The following PRRC2B variants were observed in gnomAD, a reference collection of about 807,000 sequenced individuals.
PRRC2B encodes the protein protein PRRC2B.
In PRRC2B, 68 loss-of-function variants were observed where a neutral mutation model predicts 242.3. The ratio of observed to expected loss-of-function variants is 0.28; its 90% CI spans 0.23 to 0.34. PRRC2B has a LOEUF of 0.34. Ranked by LOEUF, PRRC2B falls within the 10% of genes least tolerant of loss-of-function variation. The pLI, the probability that PRRC2B is intolerant of heterozygous loss-of-function variation, is 1.00. For synonymous variants in PRRC2B, 1,228 were observed against 1,173.6 expected (o/e 1.05, Z -0.95); for missense variants, 2,835 against 2,954.8 (o/e 0.96, Z 0.94).
chr9:131,493,324 C>T (rs1236535498), intron 30 of PRRC2B, among the ~76,000 whole-genome samples: 2 of 152,224 alleles, frequency 1.3e-5, no homozygotes, highest in East Asian at 3.8e-4. Flanking sequence ...CCTACCATGT[C>T]TGTCACATAG....
intron 1 of PRRC2B, among the ~76,000 whole-genome samples, chr9:131,403,366 T>C (rs1837275079): frequency 6.6e-6 from 1 of 152,146 alleles, no homozygotes; most frequent in South Asian, 2.1e-4. Context: ...ATTTATTTTT[T>C]TTTGAGGTGG....
At chr9:131,454,248 C>T (rs1943006151) in intron 9 of PRRC2B, among the ~76,000 whole-genome samples, 1 of 152,248 alleles carries the variant, frequency 6.6e-6, no homozygotes, top group African/African-American at 2.4e-5. Context: ...GGACCTACCA[C>T]ACTGTGTTCA....
intron 1 of PRRC2B, among the ~76,000 whole-genome samples, chr9:131,377,043 C>A (rs1368858736): frequency 6.6e-6 from 1 of 152,138 alleles, no homozygotes; most frequent in African/African-American, 2.4e-5. Context: ...TTGTGATGCA[C>A]CACTCAAATG....
rs151158800 is a variant in PRRC2B, at chr9:131,446,777, T to C, written c.855+135T>C. On this transcript the variant is annotated intron_variant, in intron 7 of 31. Coordinates refer to ENST00000683519, the MANE Select transcript of PRRC2B (RefSeq NM_013318.4). This position sits in a 1 kb window ranked among gnomAD's most constrained non-coding sequence, Gnocchi z 4.1. ...CTACTTCTGAGGCTTCCACTCGTTT[T>C]GCATTTTCTCTCCCTGCTTTTTAAA... is the stretch of plus-strand genomic sequence containing the variant. 2.8e-6 allele frequency: 3 copies of C among 1,054,616 alleles called. No individual in the cohort carries two copies. Among genetic ancestry groups the C allele is most frequent in the African/African-American group, 3.2e-5 (2 of 62,478 alleles). The allele number at this position is 1,054,616 out of a possible 1,614,324, so 65.3% of individuals were successfully genotyped here. A position where few individuals can be genotyped will look rare whatever the true frequency, so the allele number is the denominator to read the frequency against.
chr9:131,470,733 C>T (rs1943519434), intron 13 of PRRC2B, 55 bp from the exon 14 acceptor site: 6 of 1,451,894 alleles, frequency 4.1e-6, no homozygotes, highest in Admixed American at 1.8e-5. Context: ...TGTTGGGTGG[C>T]ATCTCTGTCC....
intron 1 of PRRC2B, among the ~76,000 whole-genome samples, chr9:131,413,416 A>AC (rs1158987049): frequency 1.3e-5 from 2 of 152,316 alleles, no homozygotes; most frequent in East Asian, 3.9e-4. Flanking sequence ...TAGCGACTGT[A>AC]CCCTTTCTGC....
chr9:131,488,005 T>C lies in PRRC2B; in HGVS notation c.6134T>C (p.Met2045Thr). 1.2e-6 allele frequency: 2 copies of C among 1,612,402 alleles called. No homozygotes were observed. Among genetic ancestry groups the C allele is most frequent in the Non-Finnish European group, 1.7e-6 (2 of 1,179,238 alleles). Residue 2045 changes from methionine to threonine, a missense_variant, in exon 28 of 32, where the codon ATG (methionine) becomes ACG (threonine). This residue lies in a region of PRRC2B where 574 missense variants were observed against 626.0 expected (regional missense o/e 0.92). Coordinates refer to ENST00000683519, the MANE Select transcript of PRRC2B (RefSeq NM_013318.4). The part of the protein sequence containing the change: ...KPQSGSPYQP[M>T]SGNQALVYEG... Reference sequence around the variant, plus strand: ...CAGTCTGGCTCACCCTACCAGCCCATGAGCGGGAACCAAGCCCTGGTCTAC... The same window carrying C: ...CAGTCTGGCTCACCCTACCAGCCCACGAGCGGGAACCAAGCCCTGGTCTAC...
At chr9:131,422,821 A>G (rs1837879588) in intron 1 of PRRC2B, among the ~76,000 whole-genome samples, 1 of 152,202 alleles carries the variant, frequency 6.6e-6, no homozygotes, top group Non-Finnish European at 1.5e-5. Context: ...TATGTGCCAA[A>G]ATATGCAACC....
intron 1 of PRRC2B, among the ~76,000 whole-genome samples, chr9:131,426,704 G>A (rs1057270688): frequency 6.6e-6 from 1 of 152,192 alleles, no homozygotes; most frequent in African/African-American, 2.4e-5. Flanking sequence ...GGCTGCTGGG[G>A]TCAAGCAGCT....
At chr9:131,383,957 C>T (rs1168821260) in intron 1 of PRRC2B, among the ~76,000 whole-genome samples, 4 of 152,046 alleles carry the variant, frequency 2.6e-5, no homozygotes, top group South Asian at 4.2e-4. Flanking sequence ...CTTGCTCTGT[C>T]ACCCAGGTTG....
intron 1 of PRRC2B, among the ~76,000 whole-genome samples, chr9:131,383,280 G>C (rs532401916): frequency 2.0e-5 from 3 of 152,144 alleles, no homozygotes; most frequent in Non-Finnish European, 4.4e-5. Flanking sequence ...GCTGTGTCTC[G>C]TTAGTACAAC....
At chr9:131,420,497 T>TCTTTCTTTCTTTCTTTCTTTCTTTCTTTC (rs72209206) in intron 1 of PRRC2B, among the ~76,000 whole-genome samples, 32 of 16,436 alleles carry the variant, frequency 1.9e-3, no homozygotes, top group African/African-American at 4.2e-3. Flanking sequence ...TTCTTTCTTT[T>TCTTTCTTTCTTTCTTTCTTTCTTTCTTTC]TTTTTTTTTT....
chr9:131,445,746 C>A (rs1375433982), intron 6 of PRRC2B, among the ~76,000 whole-genome samples: 7 of 152,110 alleles, frequency 4.6e-5, no homozygotes, highest in African/African-American at 1.4e-4. Context: ...AAAAGGTGAC[C>A]GAAAACAGGG....
chr9:131,471,252 TCTC>T (rs1943537783), intron 14 of PRRC2B, among the ~76,000 whole-genome samples: 1 of 152,240 alleles, frequency 6.6e-6, no homozygotes, highest in Admixed American at 6.5e-5. Flanking sequence ...TTGTCCTTCT[TCTC>T]ATTCTTAATG....
chr9:131,483,211 C>A (rs1400081120), intron 22 of PRRC2B, 148 bp from the exon 23 acceptor site: 2 of 784,606 alleles, frequency 2.5e-6, no homozygotes, highest in Non-Finnish European at 4.2e-6. Flanking sequence ...TGGGGAAAAT[C>A]TGGCCATCTC....
In PRRC2B at chr9:131,482,304, G is replaced by A; in HGVS notation, c.4984-67G>A. The A allele has an allele frequency of 1.4e-6, 2 of 1,475,194 alleles. No homozygotes were observed. The highest frequency in any genetic ancestry group is 2.7e-5 in the South Asian group (2 of 73,324). 91.4% of individuals were successfully genotyped at this position (1,475,194 alleles called of 1,614,324 possible). A position where few individuals can be genotyped will look rare whatever the true frequency, so the allele number is the denominator to read the frequency against. On this transcript the variant is annotated intron_variant, in intron 20 of 31. Coordinates refer to ENST00000683519, the MANE Select transcript of PRRC2B (RefSeq NM_013318.4). This position sits in a 1 kb window ranked among gnomAD's most constrained non-coding sequence, Gnocchi z 5.2. ...GGGTAGAAAAGTCTCTGTGCCACAT[G>A]CAGTTTTACTCTCTGGATAATCGAG...
rs775618866 is a variant in PRRC2B, at chr9:131,477,762, G to C, written c.4425G>C (p.Leu1475Phe). The C allele has an allele frequency of 6.2e-7, 1 of 1,607,754 alleles. No individual in the cohort carries two copies. Among genetic ancestry groups the C allele is most frequent in the African/African-American group, 1.3e-5 (1 of 74,970 alleles). Residue 1475 changes from leucine to phenylalanine, a missense_variant, in exon 17 of 32, where the codon TTG becomes TTC. Coordinates refer to ENST00000683519, the MANE Select transcript of PRRC2B (RefSeq NM_013318.4). ...CTTACAGATCCCCAGACGAGGCCTTGCCTGGAGGTCTTAGTGGCTGCAGCA... is the reference window on the plus strand; with the variant it reads ...CTTACAGATCCCCAGACGAGGCCTTCCCTGGAGGTCTTAGTGGCTGCAGCA... ...LKVKRSPDEA[L>F]PGGLSGCSSG... is the part of the protein sequence containing the mutation.
At chr9:131,471,086 G>A (rs927059644) in intron 14 of PRRC2B, 103 bp downstream of exon 14, 3 of 789,276 alleles carry the variant, frequency 3.8e-6, no homozygotes, top group Non-Finnish European at 6.0e-6. Flanking sequence ...TTTTGGTCTG[G>A]CTCTTTGTCA....
intron 13 of PRRC2B, 101 bp downstream of exon 13, chr9:131,467,854 G>A: frequency 8.1e-7 from 1 of 1,235,852 alleles, no homozygotes; most frequent in Non-Finnish European, 1.1e-6. Context: ...CTTAGAAAAA[G>A]GCCAGAATAT....
Sources: gnomAD v4.1 joint callset for allele counts (sites outside exome capture counted in the v4.1 genomes callset) on GRCh38, gnomAD v4.1.1 for gene constraint, gnomAD v4.1.1 regional missense constraint, Gnocchi (gnomAD v3.1) non-coding constraint, MANE v1.5 for transcripts, NCBI Gene and HGNC (gene_info 2026-07-23, HGNC 2026-07-21) for gene names.